IPO5: variants seen among roughly 807,000 people sequenced by gnomAD.
The protein encoded by IPO5 is importin 5.
In IPO5, 18 loss-of-function variants were observed where a neutral mutation model predicts 143.3. That is an observed-to-expected ratio of 0.13 (90% CI 0.09 to 0.19). IPO5 has a LOEUF of 0.19. IPO5 is among the 10% of genes least tolerant of loss of function. The pLI is 1.00. For missense variants in IPO5, 1,013 were observed against 1,336.9 expected, an observed-to-expected ratio of 0.76 and a Z score of 3.78; for synonymous variants, 477 against 465.7, an observed-to-expected ratio of 1.02 and a Z score of -0.31.
At chr13:97,993,389 C>T (rs1476010637) in intron 11 of IPO5, among the ~76,000 whole-genome samples, 164 bp downstream of exon 11, 1 of 152,146 alleles carries the variant, frequency 6.6e-6, no homozygotes, top group Non-Finnish European at 1.5e-5. Flanking sequence ...AGCGTGGACC[C>T]CCACATTGTG....
intron 6 of IPO5, chr13:97,987,876 T>C (rs1458959501): frequency 5.3e-6 from 1 of 188,830 alleles, no homozygotes; most frequent in South Asian, 7.4e-5. Context: ...GGAATTGTTA[T>C]AGGTGACATC....
chr13:97,981,827 T>C (rs1312948897), intron 4 of IPO5, among the ~76,000 whole-genome samples: 1 of 152,228 alleles, frequency 6.6e-6, no homozygotes, highest in East Asian at 1.9e-4. Context: ...GGTGTCAACT[T>C]TTTATTGTTA....
rs377030000 is a variant in IPO5, at chr13:98,019,759, T to C, written c.3015T>C (p.Asp1005=). 5.6e-6 allele frequency: 9 copies of C among 1,613,962 alleles called. No homozygotes were observed. In the African/African-American group the frequency reaches 1.1e-4, roughly 19 times the overall value. ...HWLSWLPLHE[D]KEEAVQTFNY... ...TGTCTTGGCTTCCACTACATGAAGA[T>C]AAAGAAGAAGCTGTTCAGACTTTCA... The change falls in exon 27 of 29, where the codon GAT becomes GAC. Residue 1005 remains aspartate (D), a synonymous_variant. Transcript: ENST00000651721.
Position 97,983,965 on chromosome 13 carries a change from C to CTTTTTTTT in IPO5, c.171+1406_171+1413dup, listed in dbSNP as rs71117684. On this transcript the variant is annotated intron_variant, in intron 5 of 28. Transcript: ENST00000651721. ...TGAAGAACCCTATATAGGGTAACTT[C>CTTTTTTTT]TTTTTTTTTTTTTTTTTTTTTTTTT... 7.9e-3 allele frequency among the ~76,000 whole-genome samples: 361 copies of CTTTTTTTT among 45,876 alleles called. 76 individuals carry two copies. The Middle Eastern group carries it at 0.091, about 12-fold the overall frequency. 30.1% of individuals were successfully genotyped at this position (45,876 alleles called of 152,430 possible).
At position 98,009,979 on chromosome 13, in the gene IPO5, G is replaced by A. The variant is rs182942075; in HGVS notation, c.1899G>A (p.Thr633=). 1.3e-4 allele frequency: 205 copies of A among 1,614,070 alleles called. No individual in the cohort carries two copies. The East Asian group carries it at 3.0e-3, about 24-fold the overall frequency. Residue 633 remains threonine, a synonymous_variant, in exon 19 of 29, where the codon ACG becomes ACA. Coordinates refer to ENST00000651721, the MANE Select transcript of IPO5 (RefSeq NM_002271.6). The stretch of plus-strand genomic sequence containing the variant: ...TGGTTATGGGGCCTTTAATGAAGAC[G>A]GCTTCAATTAAGCCCGAAGTAGCCC... The part of the protein sequence containing the change: ...LPVVMGPLMK[T]ASIKPEVALL...
chr13:98,006,000 T>C, intron 16 of IPO5, 130 bp from the exon 17 acceptor site: 3 of 651,932 alleles, frequency 4.6e-6, no homozygotes, highest in Non-Finnish European at 8.1e-6. Flanking sequence ...CTACAGTCTC[T>C]GCTTCTGGAG....
intron 7 of IPO5, 46 bp downstream of exon 7, chr13:97,989,210 GC>G (rs1887619188): frequency 9.8e-7 from 1 of 1,017,492 alleles, no homozygotes; most frequent in East Asian, 2.4e-5. Flanking sequence ...TTTAATGAAT[GC>G]CCTAAACACC....
intron 1 of IPO5, 116 bp from the exon 2 acceptor site, chr13:97,954,003 T>C (rs1367418752): frequency 2.3e-6 from 1 of 433,236 alleles, no homozygotes; most frequent in African/African-American, 2.0e-5. Flanking sequence ...GGACTAACTC[T>C]GTATCCTTAA....
intron 4 of IPO5, among the ~76,000 whole-genome samples, chr13:97,981,850 T>C (rs1379174222): frequency 6.6e-6 from 1 of 152,262 alleles, no homozygotes; most frequent in East Asian, 1.9e-4. Flanking sequence ...CAATTTGTTG[T>C]GATTTTACAT....
intron 4 of IPO5, chr13:97,979,922 CT>C (rs1454849408): frequency 2.2e-6 from 1 of 456,704 alleles, no homozygotes; most frequent in South Asian, 1.5e-5. Context: ...TGTGTCCCCT[CT>C]TTTACTTTTC....
At position 98,018,731 on chromosome 13, in the gene IPO5, A is replaced by G. The variant is rs776924582; in HGVS notation, c.2836+27A>G. 1.1e-5 allele frequency: 17 copies of G among 1,533,682 alleles called. No homozygotes were observed. The East Asian group carries it at 1.4e-4, about 12-fold the overall frequency. ...TACGTTTGCTTATTCCGTTACGTGC[A>G]TTTCATTCCAGACATCCTGTGAATC... is the stretch of plus-strand genomic sequence containing the variant. On this transcript the variant is annotated intron_variant, in intron 26 of 28. Coordinates refer to ENST00000651721, the MANE Select transcript of IPO5 (RefSeq NM_002271.6).
chr13:98,009,853 C>T, intron 18 of IPO5, 28 bp from the exon 19 acceptor site: 1 of 1,517,292 alleles, frequency 6.6e-7, no homozygotes, highest in Non-Finnish European at 8.9e-7. Flanking sequence ...GTTTTTTAAT[C>T]TATTTTAATT....
chr13:97,977,089 A>T (rs1424891672), intron 4 of IPO5: 1 of 163,596 alleles, frequency 6.1e-6, no homozygotes, highest in Non-Finnish European at 1.3e-5. Flanking sequence ...CGGGGCCCCA[A>T]CTTCGCTGGC....
chr13:97,979,516 G>A (rs992194264), intron 4 of IPO5, among the ~76,000 whole-genome samples: 2 of 152,130 alleles, frequency 1.3e-5, no homozygotes, highest in Non-Finnish European at 2.9e-5. Context: ...ATACAATAAC[G>A]TGAATAAACC....
At chr13:98,000,672 A>C (rs770105071) in intron 13 of IPO5, 27 bp downstream of exon 13, 1 of 1,457,886 alleles carries the variant, frequency 6.9e-7, no homozygotes, top group East Asian at 2.3e-5. Flanking sequence ...AAATGCTAGA[A>C]GAGTGAAGTT....
chr13:97,969,153 G>GTATATATATATATATATATATATA (rs1210544640), intron 2 of IPO5, among the ~76,000 whole-genome samples: 1 of 63,452 alleles, frequency 1.6e-5, no homozygotes, highest in Non-Finnish European at 2.9e-5. Flanking sequence ...TTTCTGCTAA[G>GTATATATATATATATATATATATA]TATATATATA....
At chr13:97,996,892 T>C (rs1241551457) in intron 11 of IPO5, among the ~76,000 whole-genome samples, 2 of 152,178 alleles carry the variant, frequency 1.3e-5, no homozygotes, top group Non-Finnish European at 2.9e-5. Flanking sequence ...GCGCCTAGAC[T>C]TGTTTGATAA....
Position 97,976,781 on chromosome 13 carries a change from G to T in IPO5, c.85G>T (p.Ala29Ser). The change falls in exon 4 of 29, where the codon GCA (alanine) becomes TCA (serine). Residue 29 changes from alanine (A) to serine (S), a missense_variant. Ala to Ser is a moderately conservative substitution (Grantham distance 99). Around this residue, in one of 2 missense-constraint regions of IPO5, gnomAD observed 328 missense variants for 342.0 expected, o/e 0.96. Transcript: ENST00000651721. ...LSPDNVVRKQ[A>S]EETYENIPGQ... ...CCCCGACAATGTGGTCCGGAAACAG[G>T]CAGAGGTAACCGAGTTCGCCGCCCC... The T allele has an allele frequency of 7.3e-7, 1 of 1,377,214 alleles. No homozygotes were observed. The allele number at this position is 1,377,214 out of a possible 1,614,324, so 85.3% of individuals were successfully genotyped here.
chr13:98,018,639 C>T lies in IPO5; in HGVS notation c.2771C>T (p.Ala924Val), dbSNP rs1890273008. The T allele has an allele frequency of 6.2e-7, 1 of 1,614,062 alleles. No homozygotes were observed. Among genetic ancestry groups the T allele is most frequent in the Admixed American group, 1.7e-5 (1 of 59,998 alleles). ...GACAACAGCCCAGAAGTCAGGCAAG[C>T]AGCTGCATATGGCCTGGGAGTCATG... is the stretch of plus-strand genomic sequence containing the variant. ...VCDNSPEVRQ[A>V]AAYGLGVMAQ... The change falls in exon 26 of 29, where the codon GCA (alanine) becomes GTA (valine). Residue 924 changes from alanine to valine, a missense_variant. Physicochemically the swap from Ala to Val is moderately conservative, Grantham distance 64. This residue lies in a region of IPO5 where 685 missense variants were observed against 994.9 expected (regional missense o/e 0.69). Coordinates refer to ENST00000651721, the MANE Select transcript of IPO5 (RefSeq NM_002271.6).
Sources: gnomAD v4.1 joint callset for allele counts (sites outside exome capture counted in the v4.1 genomes callset) on GRCh38, gnomAD v4.1.1 for gene constraint, gnomAD v4.1.1 regional missense constraint, MANE v1.5 for transcripts, NCBI Gene and HGNC (gene_info 2026-07-23, HGNC 2026-07-21) for gene names.